Variants in MYRIP observed in about 807,000 individuals in gnomAD.
MYRIP encodes the protein rab effector MyRIP.
Under a neutral mutation model 98.0 loss-of-function variants are expected in MYRIP, and 49 were observed. The observed-to-expected ratio is 0.50, with a 90% CI of 0.40 to 0.63. The LOEUF is 0.63. MYRIP is among the 30% of genes least tolerant of loss of function. The pLI is 0.00. For synonymous variants in MYRIP, 404 were observed against 409.5 expected, an observed-to-expected ratio of 0.99 and a Z score of 0.16; for missense variants, 1,004 against 1,058.2, an observed-to-expected ratio of 0.95 and a Z score of 0.71.
intron 3 of MYRIP, among the ~76,000 whole-genome samples, chr3:40,150,638 G>T (rs1008091741): frequency 6.6e-6 from 1 of 152,222 alleles, no homozygotes; most frequent in African/African-American, 2.4e-5. Flanking sequence ...TCTTTGGAGT[G>T]ACTCAGTGGA....
chr3:39,977,105 ATTAT>A (rs1188274047), intron 2 of MYRIP, among the ~76,000 whole-genome samples: 2 of 151,760 alleles, frequency 1.3e-5, no homozygotes, highest in Middle Eastern at 3.4e-3. Context: ...ATTTCCTTTA[ATTAT>A]AAAAGGTTTA....
At chr3:40,156,924 A>G (rs1447497089) in intron 4 of MYRIP, among the ~76,000 whole-genome samples, 2 of 152,086 alleles carry the variant, frequency 1.3e-5, no homozygotes, top group African/African-American at 2.4e-5. Flanking sequence ...TAGATATACA[A>G]TCATGTCATC....
intron 7 of MYRIP, among the ~76,000 whole-genome samples, chr3:40,169,364 G>A (rs936619107): frequency 6.6e-6 from 1 of 152,160 alleles, no homozygotes; most frequent in Non-Finnish European, 1.5e-5. Flanking sequence ...ACTGCTTCCT[G>A]CCTATAGGAA....
intron 2 of MYRIP, among the ~76,000 whole-genome samples, chr3:40,043,289 C>A (rs562217695): frequency 2.1e-4 from 32 of 152,100 alleles, no homozygotes; most frequent in African/African-American, 7.0e-4. Flanking sequence ...TCTTTGGGGA[C>A]CCCCATTTTC....
intron 10 of MYRIP, among the ~76,000 whole-genome samples, chr3:40,205,021 A>G (rs1951754161): frequency 6.6e-6 from 1 of 152,052 alleles, no homozygotes; most frequent in South Asian, 2.1e-4. Flanking sequence ...GTCACCAGCA[A>G]TCTTCTATGA....
intron 10 of MYRIP, among the ~76,000 whole-genome samples, chr3:40,196,698 A>G (rs1037740791): frequency 2.0e-5 from 3 of 152,322 alleles, no homozygotes; most frequent in East Asian, 3.9e-4. Context: ...ACAAAACTGC[A>G]TGTGTATGTA....
intron 1 of MYRIP, among the ~76,000 whole-genome samples, chr3:39,818,437 A>C (rs1213740629): frequency 6.6e-6 from 1 of 152,158 alleles, no homozygotes; most frequent in African/African-American, 2.4e-5. Context: ...TTGGCTCTTC[A>C]TGGCCAACTT....
intron 3 of MYRIP, among the ~76,000 whole-genome samples, chr3:40,050,079 C>G (rs1365735777): frequency 6.6e-6 from 1 of 152,144 alleles, no homozygotes; most frequent in Non-Finnish European, 1.5e-5. Flanking sequence ...GCAGCAAGTG[C>G]TGATGGAGGA....
intron 2 of MYRIP, among the ~76,000 whole-genome samples, chr3:40,042,288 T>TAAAAAAAAAA (rs66600615): frequency 4.4e-5 from 5 of 112,580 alleles, no homozygotes; most frequent in African/African-American, 1.3e-4. Flanking sequence ...ACTGGAAGGA[T>TAAAAAAAAAA]AAAAAAAAAA....
chr3:40,077,027 G>A (rs1044538332), intron 3 of MYRIP, among the ~76,000 whole-genome samples: 13 of 152,184 alleles, frequency 8.5e-5, no homozygotes, highest in African/African-American at 3.1e-4. Context: ...GAATGAAGCC[G>A]TGGACCCTTG....
At chr3:39,823,645 T>A (rs1941180349) in intron 1 of MYRIP, among the ~76,000 whole-genome samples, 1 of 152,212 alleles carries the variant, frequency 6.6e-6, no homozygotes, top group Non-Finnish European at 1.5e-5. Flanking sequence ...AACATTTACA[T>A]ATCTTCTTTT....
intron 1 of MYRIP, among the ~76,000 whole-genome samples, chr3:39,890,529 G>C (rs1943457980): frequency 6.6e-6 from 1 of 151,086 alleles, no homozygotes; most frequent in Admixed American, 6.6e-5. Flanking sequence ...TTTTTGTATA[G>C]TTTCTGAGTT....
intron 2 of MYRIP, among the ~76,000 whole-genome samples, chr3:40,033,036 C>A (rs1947296135): frequency 1.3e-5 from 2 of 151,546 alleles, no homozygotes; most frequent in South Asian, 4.2e-4. Flanking sequence ...ATGCTGAAAA[C>A]TCTCAATAAA....
chr3:40,034,661 G>C (rs925095222), intron 2 of MYRIP, among the ~76,000 whole-genome samples: 1 of 149,718 alleles, frequency 6.7e-6, no homozygotes, highest in African/African-American at 2.5e-5. Flanking sequence ...GGAAGTGGGT[G>C]TGGTGATTCC....
intron 3 of MYRIP, among the ~76,000 whole-genome samples, chr3:40,111,736 T>G (rs1216736681): frequency 1.3e-5 from 2 of 152,074 alleles, no homozygotes; most frequent in African/African-American, 4.8e-5. Context: ...CCCTGTAGAT[T>G]TCATATAAAG....
chr3:40,032,154 C>A (rs967355046), intron 2 of MYRIP, among the ~76,000 whole-genome samples: 2 of 151,990 alleles, frequency 1.3e-5, no homozygotes, highest in African/African-American at 4.8e-5. Flanking sequence ...CTACACACTG[C>A]TTTGAATGTG....
intron 3 of MYRIP, among the ~76,000 whole-genome samples, chr3:40,082,861 A>G (rs2125872289): frequency 6.6e-6 from 1 of 152,354 alleles, no homozygotes; most frequent in African/African-American, 2.4e-5. Flanking sequence ...AAATGGTCCC[A>G]TAACTCCTTC....
rs1037225819 is a variant in MYRIP at position 40,218,655 on chromosome 3, T to C, written c.1905+8562T>C. Among the ~76,000 whole-genome samples, 223 of 131,356 alleles carry C rather than the reference T, an allele frequency of 1.7e-3. 6 individuals are homozygous for C. In the East Asian group the frequency reaches 0.022, roughly 13 times the overall value. The allele number at this position is 131,356 out of a possible 152,430, so 86.2% of individuals were successfully genotyped here. A position where few individuals can be genotyped will look rare whatever the true frequency, so the allele number is the denominator to read the frequency against. On this transcript the variant is annotated intron_variant, in intron 11 of 16. Coordinates refer to ENST00000302541, the MANE Select transcript of MYRIP (RefSeq NM_015460.4). The stretch of plus-strand genomic sequence containing the variant: ...ATATATATATATATATATATATATA[T>C]ACATACACACACATACATAATGCCC...
chr3:40,172,324 C>T (rs1950636025), intron 8 of MYRIP, among the ~76,000 whole-genome samples: 1 of 152,120 alleles, frequency 6.6e-6, no homozygotes, highest in South Asian at 2.1e-4. Context: ...CAGGGAAAAC[C>T]ATTTTTAGGA....
Sources: allele counts gnomAD v4.1 joint callset (sites outside exome capture counted in the v4.1 genomes callset), GRCh38; gene constraint gnomAD v4.1.1; transcripts MANE v1.5; gene names NCBI Gene and HGNC (gene_info 2026-07-23, HGNC 2026-07-21).